TBC1D2: variants seen among roughly 807,000 people sequenced by gnomAD.
TBC1D2 encodes TBC1 domain family member 2A.
TBC1D2 carries 58 observed loss-of-function variants against 91.1 expected under a neutral mutation model. That is an observed-to-expected ratio of 0.64 (90% CI 0.52 to 0.79). The LOEUF (loss-of-function observed/expected upper bound fraction) is 0.79. Ranked by LOEUF, TBC1D2 falls within the 30% of genes least tolerant of loss-of-function variation. The pLI is 0.00. For synonymous variants in TBC1D2, 482 were observed against 511.5 expected (o/e 0.94, Z 0.78); for missense variants, 1,080 against 1,208.3 (o/e 0.89, Z 1.57).
At chr9:98,212,627 G>A (rs1166563813) in intron 7 of TBC1D2, among the ~76,000 whole-genome samples, 1 of 151,998 alleles carries the variant, frequency 6.6e-6, no homozygotes, top group African/African-American at 2.4e-5. Flanking sequence ...TCAGCCTCCC[G>A]GGTGGCCGGG....
At chr9:98,209,756 T>TTCCTTCC (rs369507489) in intron 8 of TBC1D2, among the ~76,000 whole-genome samples, 3,221 of 104,542 alleles carry the variant, frequency 0.031, 72 homozygotes, top group Middle Eastern at 0.039. Context: ...CCTTCCTTCC[T>TTCCTTCC]TTCCTTCCTT....
In TBC1D2 at chr9:98,229,110, G is replaced by A. The variant is rs376538068; in HGVS notation, c.820C>T (p.Pro274Ser). 6 of 1,614,134 alleles carry A rather than the reference G, an allele frequency of 3.7e-6. No individual in the cohort carries two copies. In the African/African-American group the frequency reaches 6.7e-5, roughly 18 times the overall value. The change falls in exon 5 of 13, where the codon CCT becomes TCT. Residue 274 changes from proline (P) to serine (S), a missense_variant. Transcript: ENST00000465784. ...PEDSPKPAPK[P>S]SLTISFAQKA... Reference sequence around the variant, plus strand: ...TGAGCGAAACTGATGGTCAGAGAAGGCTTGGGTGCAGGCTTTGGAGAATCC... The same window carrying A: ...TGAGCGAAACTGATGGTCAGAGAAGACTTGGGTGCAGGCTTTGGAGAATCC...
chr9:98,199,993 G>C (rs1828442754), intron 12 of TBC1D2, among the ~76,000 whole-genome samples: 1 of 152,202 alleles, frequency 6.6e-6, no homozygotes, highest in Non-Finnish European at 1.5e-5. Flanking sequence ...GTATAATTCT[G>C]TTTTCCAGGA....
chr9:98,226,284 C>T (rs1829232178), intron 5 of TBC1D2, among the ~76,000 whole-genome samples: 1 of 152,214 alleles, frequency 6.6e-6, no homozygotes, highest in Admixed American at 6.5e-5. Flanking sequence ...CCTGAAGGCA[C>T]TGATGGGCTC....
chr9:98,235,282 C>T lies in TBC1D2; in HGVS notation c.648-1733G>A, dbSNP rs968189206. 11 of 372,042 alleles carry T rather than the reference C, an allele frequency of 3.0e-5. 1 individual carries two copies. Among genetic ancestry groups the T allele is most frequent in the Middle Eastern group, 3.9e-4 (1 of 2,550 alleles). 23.0% of individuals were successfully genotyped at this position (372,042 alleles called of 1,614,324 possible). A position where few individuals can be genotyped will look rare whatever the true frequency, so the allele number is the denominator to read the frequency against. ...AGGAACTATATTGCTTAGGAGTCAACGCTATTGTTTACATAACAGATGGTG... is the reference window on the plus strand; with the variant it reads ...AGGAACTATATTGCTTAGGAGTCAATGCTATTGTTTACATAACAGATGGTG... On this transcript the variant is annotated intron_variant, in intron 3 of 12. Coordinates refer to ENST00000465784, the MANE Select transcript of TBC1D2 (RefSeq NM_001267571.2).
intron 8 of TBC1D2, among the ~76,000 whole-genome samples, chr9:98,210,112 C>A (rs1246208145): frequency 2.0e-5 from 3 of 152,090 alleles, no homozygotes; most frequent in Admixed American, 2.0e-4. Context: ...AGGCATGAGC[C>A]ACTGTGCCCA....
chr9:98,221,389 A>T (rs1284956916), intron 5 of TBC1D2, among the ~76,000 whole-genome samples, 161 bp from the exon 6 acceptor site: 1 of 152,198 alleles, frequency 6.6e-6, no homozygotes, highest in South Asian at 2.1e-4. Context: ...TCTCTGTTCA[A>T]GTGACTGTTA....
chr9:98,204,035 C>T (rs1373394940), intron 9 of TBC1D2, among the ~76,000 whole-genome samples: 1 of 152,168 alleles, frequency 6.6e-6, no homozygotes, highest in Admixed American at 6.5e-5. Flanking sequence ...TACTTCCCCT[C>T]CCCGCCAAGT....
At chr9:98,217,251 A>C (rs1828993000) in intron 6 of TBC1D2, among the ~76,000 whole-genome samples, 1 of 152,238 alleles carries the variant, frequency 6.6e-6, no homozygotes, top group African/African-American at 2.4e-5. Context: ...CAGGACAGTC[A>C]CCAGTGGAAT....
At chr9:98,231,634 T>C (rs905944526) in intron 4 of TBC1D2, among the ~76,000 whole-genome samples, 1 of 152,334 alleles carries the variant, frequency 6.6e-6, no homozygotes, top group South Asian at 2.1e-4. Flanking sequence ...TTTCAACTTA[T>C]GATATTTTCA....
At chr9:98,203,720 G>C (rs931612967) in intron 9 of TBC1D2, among the ~76,000 whole-genome samples, 1 of 152,116 alleles carries the variant, frequency 6.6e-6, no homozygotes, top group African/African-American at 2.4e-5. Flanking sequence ...ACCCCTGTAA[G>C]CCTCAGTCTC....
intron 5 of TBC1D2, among the ~76,000 whole-genome samples, chr9:98,223,208 A>G (rs1829142231): frequency 6.6e-6 from 1 of 152,214 alleles, no homozygotes; most frequent in Non-Finnish European, 1.5e-5. Context: ...AGTCCAGAGC[A>G]TTTAAAAGAA....
intron 7 of TBC1D2, among the ~76,000 whole-genome samples, chr9:98,211,512 C>A (rs10217245): frequency 0.11 from 16,567 of 152,204 alleles, 1,008 homozygotes; most frequent in Non-Finnish European, 0.13. Context: ...TGGTGCTAGG[C>A]AAGTCAGGCA....
chr9:98,232,405 G>A (rs553158544), intron 4 of TBC1D2, among the ~76,000 whole-genome samples: 5 of 139,632 alleles, frequency 3.6e-5, no homozygotes, highest in Non-Finnish European at 6.0e-5. Flanking sequence ...CTGCAGCCTC[G>A]ACCTCCCTGG....
In TBC1D2 at chr9:98,233,349, G is replaced by A. The variant is rs532195136; in HGVS notation, c.781+67C>T. ...CAAATGCTGGTTCGCTGGAAGGAAA[G>A]AAGGCACTTGTGCCAGCCGTGAGGA... is the stretch of plus-strand genomic sequence containing the variant. On this transcript the variant is annotated intron_variant, in intron 4 of 12. Coordinates refer to ENST00000465784, the MANE Select transcript of TBC1D2 (RefSeq NM_001267571.2). 5 of 1,542,088 alleles carry A rather than the reference G, an allele frequency of 3.2e-6. No homozygotes were observed. In the African/African-American group the frequency reaches 5.5e-5, roughly 17 times the overall value.
At chr9:98,203,056 G>A (rs1245402160) in intron 10 of TBC1D2, among the ~76,000 whole-genome samples, 1 of 152,276 alleles carries the variant, frequency 6.6e-6, no homozygotes, top group African/African-American at 2.4e-5. Context: ...GGAGCTAGGA[G>A]CCTGAACCCT....
intron 6 of TBC1D2, among the ~76,000 whole-genome samples, chr9:98,215,548 C>T (rs1828949840): frequency 6.6e-6 from 1 of 152,174 alleles, no homozygotes; most frequent in Admixed American, 6.5e-5. Context: ...TGCTCTGTCG[C>T]CCAAGCTGGA....
chr9:98,255,251 A>C lies in TBC1D2; in HGVS notation c.291T>G (p.Ser97Arg), dbSNP rs1240767704. The C allele has an allele frequency of 7.4e-6, 12 of 1,614,094 alleles. No individual in the cohort carries two copies. Among genetic ancestry groups the C allele is most frequent in the Non-Finnish European group, 1.0e-5 (12 of 1,180,040 alleles). Reference sequence around the variant, plus strand: ...CGTCCGCCTTACAGTCAAACACTGCACTGGAGAGGTCGATGCTGTCCAAGG... The same window carrying C: ...CGTCCGCCTTACAGTCAAACACTGCCCTGGAGAGGTCGATGCTGTCCAAGG... The part of the protein sequence containing the change: ...ANPLDSIDLS[S>R]AVFDCKADAE... Residue 97 changes from serine (S) to arginine (R), a missense_variant, in exon 1 of 13, where the codon AGT becomes AGG. Transcript: ENST00000465784.
rs1247048084 is a variant in TBC1D2 at position 98,200,372 on chromosome 9, C to A, written c.2460G>T (p.Val820=). 29 of 1,601,620 alleles carry A rather than the reference C, an allele frequency of 1.8e-5. No homozygotes were observed. Among genetic ancestry groups the A allele is most frequent in the Non-Finnish European group, 2.4e-5 (28 of 1,174,586 alleles). ...AAATGGCCAAGGCATAGCGAAACAC[C>A]ACCTGGGGGTAGAGTGGGGGCTCAG... is the stretch of plus-strand genomic sequence containing the variant. ...WDAFLYEGTK[V]VFRYALAIFK... Residue 820 remains valine, a splice_region_variant and synonymous_variant, in exon 12 of 13, where the codon GTG becomes GTT. Coordinates refer to ENST00000465784, the MANE Select transcript of TBC1D2 (RefSeq NM_001267571.2).
Sources: gnomAD v4.1 joint callset for allele counts (sites outside exome capture counted in the v4.1 genomes callset) on GRCh38, gnomAD v4.1.1 for gene constraint, MANE v1.5 for transcripts, NCBI Gene and HGNC (gene_info 2026-07-23, HGNC 2026-07-21) for gene names.